CCDC85A: variants seen among roughly 807,000 people sequenced by gnomAD.
CCDC85A encodes coiled-coil domain-containing protein 85A.
A neutral mutation model predicts 50.2 loss-of-function variants in CCDC85A; 38 were observed. The observed-to-expected ratio is 0.76, with a 90% CI of 0.58 to 0.99. The LOEUF is 0.99. Ranked by LOEUF, CCDC85A falls within the 50% of genes least tolerant of loss-of-function variation. The probability of loss-of-function intolerance (pLI) is 0.00; values close to 1 mark genes in which losing one functional copy is unlikely to be tolerated. For synonymous variants in CCDC85A, 366 were observed against 301.4 expected, an observed-to-expected ratio of 1.21 and a Z score of -2.22; for missense variants, 820 against 742.0, an observed-to-expected ratio of 1.11 and a Z score of -1.22.
At chr2:56,188,335 G>A (rs1044020006) in intron 1 of CCDC85A, among the ~76,000 whole-genome samples, 2 of 152,178 alleles carry the variant, frequency 1.3e-5, no homozygotes, top group East Asian at 1.9e-4. Flanking sequence ...AGAGGGAACT[G>A]TGATATAGAA....
chr2:56,184,969 C>G, intron 1 of CCDC85A, 69 bp downstream of exon 1: 1 of 1,425,996 alleles, frequency 7.0e-7, no homozygotes, highest in South Asian at 1.5e-5. Context: ...GAGGCGGGGC[C>G]AGGCAAACTT....
chr2:56,278,146 T>A (rs1671043314), intron 2 of CCDC85A, among the ~76,000 whole-genome samples: 1 of 152,150 alleles, frequency 6.6e-6, no homozygotes, highest in South Asian at 2.1e-4. Flanking sequence ...AACCTGTGTG[T>A]CTTTAGTGTC....
At chr2:56,221,658 T>C (rs878944624) in intron 2 of CCDC85A, among the ~76,000 whole-genome samples, 33 of 152,126 alleles carry the variant, frequency 2.2e-4, no homozygotes, top group East Asian at 1.9e-4. Context: ...TAAAGGTAAT[T>C]CATTTCATGA....
intron 2 of CCDC85A, among the ~76,000 whole-genome samples, chr2:56,210,843 G>A (rs1355144490): frequency 6.6e-6 from 1 of 152,010 alleles, no homozygotes; most frequent in Admixed American, 6.6e-5. Flanking sequence ...AAGTCATACT[G>A]TGCTACTGTC....
chr2:56,307,870 AGT>A (rs1048836675), intron 2 of CCDC85A, among the ~76,000 whole-genome samples: 8 of 152,224 alleles, frequency 5.3e-5, no homozygotes, highest in Admixed American at 5.2e-4. Context: ...TGCTTCGAGC[AGT>A]GTCTTTTGCC....
chr2:56,187,424 C>T (rs1676097300), intron 1 of CCDC85A, among the ~76,000 whole-genome samples: 1 of 152,158 alleles, frequency 6.6e-6, no homozygotes, highest in Non-Finnish European at 1.5e-5. Context: ...TGGCCGGGTC[C>T]TAGCACTGAT....
chr2:56,291,898 A>C (rs573349739), intron 2 of CCDC85A, among the ~76,000 whole-genome samples: 1 of 151,676 alleles, frequency 6.6e-6, no homozygotes, highest in Non-Finnish European at 1.5e-5. Context: ...TAGAGAGCCC[A>C]GTGGGAGGCT....
intron 2 of CCDC85A, among the ~76,000 whole-genome samples, chr2:56,238,431 A>G (rs904861918): frequency 6.6e-6 from 1 of 151,772 alleles, no homozygotes; most frequent in Non-Finnish European, 1.5e-5. Context: ...AAAAAAAAAA[A>G]AGTGGCACTC....
In CCDC85A at chr2:56,344,328, A is replaced by G. The variant is rs539651311; in HGVS notation, c.1317+1373A>G. Among the ~76,000 whole-genome samples the G allele has an allele frequency of 5.3e-5, 8 of 152,304 alleles. No homozygotes were observed. The East Asian group carries it at 1.4e-3, about 26-fold the overall frequency. On this transcript the variant is annotated intron_variant, in intron 3 of 5. Transcript: ENST00000407595. ...TGTGACCATTGGTCTGATCATCGAG[A>G]TGGCCATTAAGTGACTAACAGGCAG...
chr2:56,294,392 T>G (rs143810855), intron 2 of CCDC85A, among the ~76,000 whole-genome samples: 90 of 152,306 alleles, frequency 5.9e-4, no homozygotes, highest in African/African-American at 2.1e-3. Flanking sequence ...TGGCACACAT[T>G]TACCTATGTA....
rs1414817056 is a variant in CCDC85A at position 56,184,706 on chromosome 2, G to T, written c.82G>T (p.Ala28Ser). The change falls in exon 1 of 6, where the codon GCC (alanine) becomes TCC (serine). Residue 28 changes from alanine (A) to serine (S), a missense_variant. Physicochemically the swap from Ala to Ser is moderately conservative, Grantham distance 99. Coordinates refer to ENST00000407595, the MANE Select transcript of CCDC85A (RefSeq NM_001080433.2). The part of the protein sequence containing the change: ...CSPAPAGSSA[A>S]PPAPVEDLSK... ...CCCAGCCCCGGCCGGCTCGTCCGCG[G>T]CCCCGCCCGCGCCGGTGGAGGACCT... 6.5e-7 allele frequency: 1 copy of T among 1,528,076 alleles called. No homozygotes were observed. Among genetic ancestry groups the T allele is most frequent in the South Asian group, 1.2e-5 (1 of 82,066 alleles). The allele number at this position is 1,528,076 out of a possible 1,614,324, so 94.7% of individuals were successfully genotyped here.
In CCDC85A at chr2:56,230,924, GC is replaced by G. The variant is rs528647087; in HGVS notation, c.1240+37485del. On this transcript the variant is annotated intron_variant, in intron 2 of 5. Transcript: ENST00000407595. ...GAGTCTACTTTTGTCTTATTCTTTT[GC>G]TACTGAGGGTCTGCTTGGGTGCTTA... is the stretch of plus-strand genomic sequence containing the variant. 4.1e-3 allele frequency among the ~76,000 whole-genome samples: 629 copies of G among 152,172 alleles called. 6 individuals carry two copies. Among genetic ancestry groups the G allele is most frequent in the African/African-American group, 0.015 (609 of 41,518 alleles).
intron 2 of CCDC85A, among the ~76,000 whole-genome samples, chr2:56,337,490 G>A (rs1211347521): frequency 6.6e-6 from 1 of 152,052 alleles, no homozygotes; most frequent in Non-Finnish European, 1.5e-5. Flanking sequence ...TCCTGTACCT[G>A]CATGTCCCTT....
intron 5 of CCDC85A, 119 bp from the exon 6 acceptor site, chr2:56,384,147 A>C: frequency 1.2e-6 from 1 of 811,606 alleles, no homozygotes; most frequent in Non-Finnish European, 2.0e-6. Context: ...ATTCATGTGG[A>C]TATTTTGTCT....
At chr2:56,206,435 C>T (rs1297459675) in intron 2 of CCDC85A, among the ~76,000 whole-genome samples, 1 of 152,106 alleles carries the variant, frequency 6.6e-6, no homozygotes, top group Non-Finnish European at 1.5e-5. Context: ...TTATTTGGCT[C>T]ATGATTCTGG....
intron 2 of CCDC85A, among the ~76,000 whole-genome samples, chr2:56,316,478 T>G (rs1672927471): frequency 6.6e-6 from 1 of 152,178 alleles, no homozygotes; most frequent in Non-Finnish European, 1.5e-5. Context: ...TATTTTTAAC[T>G]TTGTTATTTA....
At chr2:56,343,114 G>T (rs1674458660) in intron 3 of CCDC85A, among the ~76,000 whole-genome samples, 159 bp downstream of exon 3, 1 of 152,114 alleles carries the variant, frequency 6.6e-6, no homozygotes, top group Admixed American at 6.6e-5. Context: ...TTCCATGATG[G>T]CCATCATCTT....
intron 2 of CCDC85A, among the ~76,000 whole-genome samples, chr2:56,325,474 C>T (rs1329062482): frequency 6.6e-6 from 1 of 152,062 alleles, no homozygotes; most frequent in Non-Finnish European, 1.5e-5. Flanking sequence ...GTTCTAATGT[C>T]TGTGATGACT....
intron 2 of CCDC85A, among the ~76,000 whole-genome samples, chr2:56,288,048 G>T (rs956541738): frequency 6.6e-6 from 1 of 152,018 alleles, no homozygotes; most frequent in Non-Finnish European, 1.5e-5. Context: ...AGAGCCTGGC[G>T]TCAGCTTCAC....
Sources: allele counts gnomAD v4.1 joint callset (sites outside exome capture counted in the v4.1 genomes callset), GRCh38; gene constraint gnomAD v4.1.1; transcripts MANE v1.5; gene names NCBI Gene and HGNC (gene_info 2026-07-23, HGNC 2026-07-21).